The following CFTR variants were observed in gnomAD, a reference collection of about 807,000 sequenced individuals.
The protein encoded by CFTR is cystic fibrosis transmembrane conductance regulator.
A neutral mutation model predicts 171.6 loss-of-function variants in CFTR; 181 were observed. The observed-to-expected ratio is 1.05, with a 90% CI of 0.93 to 1.19. The LOEUF (loss-of-function observed/expected upper bound fraction) is 1.19. Ranked by LOEUF, CFTR falls within the 50% of genes most tolerant of loss-of-function variation. The pLI, the probability that CFTR is intolerant of heterozygous loss-of-function variation, is 0.00. For synonymous variants in CFTR, 583 were observed against 608.0 expected (o/e 0.96, Z 0.60); for missense variants, 1,968 against 1,734.7 (o/e 1.13, Z -2.39).
At chr7:117,602,488 T>C (rs1223007298) in intron 15 of CFTR, among the ~76,000 whole-genome samples, 2 of 152,260 alleles carry the variant, frequency 1.3e-5, no homozygotes, top group African/African-American at 4.8e-5. Flanking sequence ...GAGATTAGTT[T>C]CTTTAAAAAA....
chr7:117,574,773 A>C (rs1177111715), intron 11 of CFTR, among the ~76,000 whole-genome samples: 1 of 152,086 alleles, frequency 6.6e-6, no homozygotes, highest in Non-Finnish European at 1.5e-5. Context: ...TTACACCCAT[A>C]TATACATATA....
chr7:117,506,394 T>C (rs2402205), intron 2 of CFTR, among the ~76,000 whole-genome samples: 38,085 of 151,908 alleles, frequency 0.25, 5,036 homozygotes, highest in East Asian at 0.42. Context: ...TTACAGGCAC[T>C]CGCCACAATG....
intron 9 of CFTR, among the ~76,000 whole-genome samples, chr7:117,547,196 T>C (rs967693998): frequency 6.6e-6 from 1 of 152,210 alleles, no homozygotes; most frequent in Non-Finnish European, 1.5e-5. Flanking sequence ...ATTGTTTATG[T>C]ATGCCTTAAA....
At chr7:117,518,858 G>C (rs1798641906) in intron 3 of CFTR, among the ~76,000 whole-genome samples, 1 of 152,008 alleles carries the variant, frequency 6.6e-6, no homozygotes, top group African/African-American at 2.4e-5. Flanking sequence ...TAAGGCACAA[G>C]AATATATTTT....
intron 1 of CFTR, among the ~76,000 whole-genome samples, chr7:117,482,760 C>G (rs1798017475): frequency 6.6e-6 from 1 of 152,102 alleles, no homozygotes; most frequent in African/African-American, 2.4e-5. Context: ...GGTAGTTATT[C>G]AGTTTGTTCC....
At chr7:117,616,790 C>A (rs1792498859) in intron 21 of CFTR, among the ~76,000 whole-genome samples, 1 of 152,022 alleles carries the variant, frequency 6.6e-6, no homozygotes. Flanking sequence ...TTAAAAAAAT[C>A]ACATTCTTTT....
rs865915467 is a variant in CFTR, at chr7:117,587,957, T to C, written c.1679+124T>C. On this transcript the variant is annotated intron_variant, in intron 12 of 26. Transcript: ENST00000003084. The stretch of plus-strand genomic sequence containing the variant: ...GAATTGAAAAAATCCTGGGGTTTTA[T>C]GGCTAGTGGGTTAAGAATCACATTT... 1.0e-5 allele frequency: 7 copies of C among 694,872 alleles called. No individual in the cohort carries two copies. The Middle Eastern group carries it at 1.4e-3, about 139-fold the overall frequency. 43.0% of individuals were successfully genotyped at this position (694,872 alleles called of 1,614,324 possible).
In CFTR at chr7:117,540,344, C is replaced by T. The variant is rs1478315064; in HGVS notation, c.1114C>T (p.Gln372Ter). 6.2e-7 allele frequency: 1 copy of T among 1,612,782 alleles called. No homozygotes were observed. Among genetic ancestry groups the T allele is most frequent in the Admixed American group, 1.7e-5 (1 of 60,002 alleles). ...CTCTCTTGGAGCAATAAACAAAATA[C>T]AGGTAATGTACCATAATGCTGCATT... ...YDSLGAINKI[Q>*]DFLQKQEYKT... The change falls in exon 8 of 27, where the codon CAG becomes TAG. Residue 372 changes from glutamine to a stop codon, truncating the protein, a stop_gained and splice_region_variant. Coordinates refer to ENST00000003084, the MANE Select transcript of CFTR (RefSeq NM_000492.4). LOFTEE classifies it high-confidence loss of function.
At position 117,657,921 on chromosome 7, in the gene CFTR, G is replaced by A. The variant is rs148884561; in HGVS notation, c.3963+4990G>A. Reference sequence around the variant, plus strand: ...TGTAGAATCTTATCCTTGCTGATCTGGACTGTATCTCATGAAGCCATGACT... The same window carrying A: ...TGTAGAATCTTATCCTTGCTGATCTAGACTGTATCTCATGAAGCCATGACT... On this transcript the variant is annotated intron_variant, in intron 24 of 26. Coordinates refer to ENST00000003084, the MANE Select transcript of CFTR (RefSeq NM_000492.4). 1.0e-3 allele frequency among the ~76,000 whole-genome samples: 153 copies of A among 152,200 alleles called. No individual in the cohort carries two copies. Among genetic ancestry groups the A allele is most frequent in the Non-Finnish European group, 1.1e-3 (77 of 68,008 alleles).
At chr7:117,652,558 T>C (rs1034439653) in intron 23 of CFTR, among the ~76,000 whole-genome samples, 22 of 152,104 alleles carry the variant, frequency 1.4e-4, no homozygotes, top group Non-Finnish European at 2.8e-4. Flanking sequence ...TTTTTAATAT[T>C]CTACAATTAA....
chr7:117,491,352 A>C (rs1389130756), intron 1 of CFTR, among the ~76,000 whole-genome samples: 2 of 152,172 alleles, frequency 1.3e-5, no homozygotes, highest in East Asian at 1.9e-4. Context: ...CCTTGTGTGC[A>C]TCATCCTAAC....
rs1395833444 is a variant in CFTR, at chr7:117,603,639, T to G, written c.2765T>G (p.Val922Gly). Residue 922 changes from valine to glycine, a missense_variant, in exon 17 of 27, where the codon GTA (valine) becomes GGA (glycine). By Grantham distance (109) the Val-to-Gly change is moderately radical. Coordinates refer to ENST00000003084, the MANE Select transcript of CFTR (RefSeq NM_000492.4). ...SYYVFYIYVG[V>G]ADTLLAMGFF... ...TATGTGTTTTACATTTACGTGGGAG[T>G]AGCCGACACTTTGCTTGCTATGGGA... is the stretch of plus-strand genomic sequence containing the variant. The G allele has an allele frequency of 1.2e-6, 2 of 1,614,000 alleles. No individual in the cohort carries two copies. Among genetic ancestry groups the G allele is most frequent in the Non-Finnish European group, 1.7e-6 (2 of 1,179,930 alleles).
In CFTR at chr7:117,509,054, C is replaced by T; in HGVS notation, c.185C>T (p.Ala62Val). Residue 62 changes from alanine (A) to valine (V), a missense_variant, in exon 3 of 27, where the codon GCT (alanine) becomes GTT (valine). Physicochemically the swap from Ala to Val is moderately conservative, Grantham distance 64 (BLOSUM62 0). Coordinates refer to ENST00000003084, the MANE Select transcript of CFTR (RefSeq NM_000492.4). ...TGCAGAGAATGGGATAGAGAGCTGG[C>T]TTCAAAGAAAAATCCTAAACTCATT... ...KLEREWDREL[A>V]SKKNPKLINA... is the part of the protein sequence containing the mutation. 6.2e-7 allele frequency: 1 copy of T among 1,610,974 alleles called. No individual in the cohort carries two copies. The highest frequency in any genetic ancestry group is 1.7e-5 in the Admixed American group (1 of 60,028).
intron 10 of CFTR, among the ~76,000 whole-genome samples, chr7:117,555,968 G>C (rs951473001): frequency 6.6e-6 from 1 of 152,106 alleles, no homozygotes; most frequent in Non-Finnish European, 1.5e-5. Context: ...CCTTCATGTT[G>C]ATAAAGGGTC....
intron 11 of CFTR, among the ~76,000 whole-genome samples, chr7:117,579,998 T>G (rs1791826829): frequency 6.6e-6 from 1 of 151,864 alleles, no homozygotes; most frequent in Non-Finnish European, 1.5e-5. Context: ...GAAGGTTGGG[T>G]AGTACTTTTC....
Position 117,584,596 on chromosome 7 carries a change from G to A in CFTR, c.1585-3143G>A, listed in dbSNP as rs141441550. Among the ~76,000 whole-genome samples the A allele has an allele frequency of 7.3e-3, 1,104 of 152,086 alleles. 9 individuals carry two copies. Among genetic ancestry groups the A allele is most frequent in the African/African-American group, 0.025 (1,047 of 41,512 alleles). On this transcript the variant is annotated intron_variant, in intron 11 of 26. Transcript: ENST00000003084. ...TAGCCTTGTAGTATAATTTGAAGTCGGGTAATATGATGCCTCCAGATTTGT... is the reference window on the plus strand; with the variant it reads ...TAGCCTTGTAGTATAATTTGAAGTCAGGTAATATGATGCCTCCAGATTTGT...
intron 1 of CFTR, among the ~76,000 whole-genome samples, chr7:117,495,871 T>C (rs964677621): frequency 6.6e-6 from 1 of 152,250 alleles, no homozygotes; most frequent in African/African-American, 2.4e-5. Context: ...AATAGCTTTA[T>C]TGAGATATAA....
intron 3 of CFTR, among the ~76,000 whole-genome samples, chr7:117,524,100 A>G (rs886137330): frequency 1.3e-5 from 2 of 152,208 alleles, no homozygotes; most frequent in Non-Finnish European, 2.9e-5. Flanking sequence ...GTATGTCTGT[A>G]TAGATATATA....
intron 15 of CFTR, among the ~76,000 whole-genome samples, chr7:117,600,228 C>T (rs1224100203): frequency 6.6e-6 from 1 of 151,974 alleles, no homozygotes; most frequent in East Asian, 1.9e-4. Context: ...TTCCCTACTA[C>T]AGGGCAGTAT....
Sources: gnomAD v4.1 joint callset for allele counts (sites outside exome capture counted in the v4.1 genomes callset) on GRCh38, gnomAD v4.1.1 for gene constraint, MANE v1.5 for transcripts, NCBI Gene and HGNC (gene_info 2026-07-23, HGNC 2026-07-21) for gene names.